Variants in PTPRN2 observed in about 807,000 individuals in gnomAD.
PTPRN2 encodes the protein receptor-type tyrosine-protein phosphatase N2.
In PTPRN2, 74 loss-of-function variants were observed where a neutral mutation model predicts 118.8. The observed-to-expected ratio is 0.62, with a 90% CI of 0.52 to 0.76. The LOEUF (loss-of-function observed/expected upper bound fraction) is 0.76. PTPRN2 is among the 30% of genes least tolerant of loss of function. The pLI is 0.00. For synonymous variants in PTPRN2, 641 were observed against 608.0 expected (o/e 1.05, Z -0.80); for missense variants, 1,481 against 1,394.4 (o/e 1.06, Z -0.99).
At chr7:158,387,630 G>C (rs1811591402) in intron 2 of PTPRN2, among the ~76,000 whole-genome samples, 1 of 152,278 alleles carries the variant, frequency 6.6e-6, no homozygotes, top group African/African-American at 2.4e-5. Flanking sequence ...GCTGCTGTGA[G>C]GCCCTGGGAA....
chr7:158,450,565 G>A (rs1008674157), intron 2 of PTPRN2, among the ~76,000 whole-genome samples: 1 of 152,302 alleles, frequency 6.6e-6, no homozygotes, highest in Admixed American at 6.5e-5. Flanking sequence ...AGCCACCGCC[G>A]ACTTGATGGA....
chr7:158,541,466 T>A, intron 1 of PTPRN2: 1 of 1,352,092 alleles, frequency 7.4e-7, no homozygotes, highest in Non-Finnish European at 9.8e-7. Context: ...GAGGGTCCAC[T>A]GGCTCCGTCC....
chr7:158,503,546 G>A (rs750461501), intron 1 of PTPRN2, among the ~76,000 whole-genome samples: 3 of 152,178 alleles, frequency 2.0e-5, no homozygotes, highest in Non-Finnish European at 2.9e-5. Flanking sequence ...AGGCAGAGCC[G>A]GCACCACAAG....
At chr7:158,071,972 G>T (rs1292723622) in intron 11 of PTPRN2, among the ~76,000 whole-genome samples, 1 of 60,888 alleles carries the variant, frequency 1.6e-5, no homozygotes, top group Admixed American at 1.7e-4. Flanking sequence ...GTATGGAGGT[G>T]CCCGTGGTGG....
At chr7:158,442,092 T>G (rs1817371132) in intron 2 of PTPRN2, among the ~76,000 whole-genome samples, 3 of 150,672 alleles carry the variant, frequency 2.0e-5, no homozygotes, top group South Asian at 4.2e-4. Flanking sequence ...GTGATGGTGA[T>G]AGTGATGGTC....
intron 3 of PTPRN2, among the ~76,000 whole-genome samples, chr7:158,312,999 AGT>A (rs1233710253): frequency 2.0e-5 from 3 of 148,554 alleles, no homozygotes; most frequent in Non-Finnish European, 3.0e-5. Context: ...TGTGCAGGTG[AGT>A]GTGCAGGTGT....
chr7:157,736,075 G>A (rs1156690689), intron 12 of PTPRN2, among the ~76,000 whole-genome samples: 1 of 152,214 alleles, frequency 6.6e-6, no homozygotes, highest in African/African-American at 2.4e-5. Context: ...GGTCCTGCCT[G>A]GGCGAGGCCG....
Position 157,722,682 on chromosome 7 carries a change from G to A in PTPRN2, c.1789-39745C>T, listed in dbSNP as rs546453757. ...CGCAGCATCCAGGTGCAGCCGGGGG[G>A]GACAGGGGTGAGGAGGGAAGGAGGC... On this transcript the variant is annotated intron_variant, in intron 12 of 22. Coordinates refer to ENST00000389418, the MANE Select transcript of PTPRN2 (RefSeq NM_002847.5). 1.8e-4 allele frequency among the ~76,000 whole-genome samples: 27 copies of A among 152,328 alleles called. 1 individual carries two copies. The South Asian group carries it at 4.8e-3, about 27-fold the overall frequency.
intron 12 of PTPRN2, among the ~76,000 whole-genome samples, chr7:157,758,249 G>C (rs1170524670): frequency 6.6e-6 from 1 of 152,232 alleles, no homozygotes; most frequent in Non-Finnish European, 1.5e-5. Flanking sequence ...GGATGATGAC[G>C]AGCGTGGTGT....
At chr7:157,701,821 C>T (rs559668177) in intron 12 of PTPRN2, among the ~76,000 whole-genome samples, 76 of 142,044 alleles carry the variant, frequency 5.4e-4, no homozygotes, top group African/African-American at 1.6e-3. Flanking sequence ...GTAACTGACG[C>T]GGGCTGTGCA....
chr7:157,980,440 A>G (rs1803049959), intron 11 of PTPRN2, among the ~76,000 whole-genome samples: 1 of 152,264 alleles, frequency 6.6e-6, no homozygotes, highest in Non-Finnish European at 1.5e-5. Context: ...CTGAGCAGCC[A>G]TAAGATACAG....
intron 21 of PTPRN2, 85 bp from the exon 22 acceptor site, chr7:157,549,104 T>C: frequency 7.4e-7 from 1 of 1,354,570 alleles, no homozygotes. Flanking sequence ...CCACGTTCCC[T>C]CTGGGCTGAG....
chr7:157,653,090 G>A (rs1010249831), intron 14 of PTPRN2, among the ~76,000 whole-genome samples: 2 of 152,196 alleles, frequency 1.3e-5, no homozygotes, highest in South Asian at 2.1e-4. Context: ...GAAAGTCTCC[G>A]CTCTTGGTGC....
At chr7:158,059,538 G>GCC (rs1224060113) in intron 11 of PTPRN2, among the ~76,000 whole-genome samples, 1 of 90,044 alleles carries the variant, frequency 1.1e-5, no homozygotes, top group Non-Finnish European at 2.1e-5. Flanking sequence ...CACTCCATCT[G>GCC]CAGTGACACA....
chr7:158,441,084 G>A (rs1268950213), intron 2 of PTPRN2, among the ~76,000 whole-genome samples: 10 of 144,970 alleles, frequency 6.9e-5, no homozygotes, highest in African/African-American at 2.5e-4. Context: ...GGTGGTGCTG[G>A]TGGTAGTGAT....
intron 17 of PTPRN2, among the ~76,000 whole-genome samples, chr7:157,581,532 G>A (rs192224255): frequency 4.9e-4 from 74 of 152,328 alleles, no homozygotes; most frequent in African/African-American, 1.7e-3. Context: ...CCATCTCGAC[G>A]CGCCCGGCAG....
chr7:158,535,206 A>G (rs186212892), intron 1 of PTPRN2, among the ~76,000 whole-genome samples: 214 of 152,284 alleles, frequency 1.4e-3, no homozygotes, highest in Non-Finnish European at 2.5e-3. Flanking sequence ...TCCTTCCACA[A>G]TCTGGTCGAA....
intron 19 of PTPRN2, among the ~76,000 whole-genome samples, chr7:157,573,097 G>A (rs1799841665): frequency 6.6e-6 from 1 of 152,232 alleles, no homozygotes; most frequent in African/African-American, 2.4e-5. Flanking sequence ...GACTCAGGCT[G>A]TAAAGCATCG....
intron 12 of PTPRN2, among the ~76,000 whole-genome samples, chr7:157,846,128 G>A (rs563795986): frequency 6.6e-6 from 1 of 152,128 alleles, no homozygotes; most frequent in Non-Finnish European, 1.5e-5. Context: ...CGGCACCTCT[G>A]TCAGATGAAA....
Sources: gnomAD v4.1 joint callset for allele counts (sites outside exome capture counted in the v4.1 genomes callset) on GRCh38, gnomAD v4.1.1 for gene constraint, MANE v1.5 for transcripts, NCBI Gene and HGNC (gene_info 2026-07-23, HGNC 2026-07-21) for gene names.